The following TTC6 variants were observed in gnomAD, a reference collection of about 807,000 sequenced individuals.
The protein encoded by TTC6 is tetratricopeptide repeat protein 6.
A neutral mutation model predicts 210.4 loss-of-function variants in TTC6; 172 were observed. The observed-to-expected ratio is 0.82, with a 90% confidence interval of 0.72 to 0.93. The LOEUF (loss-of-function observed/expected upper bound fraction) is 0.93. TTC6 is among the 40% of genes least tolerant of loss of function. TTC6 has a pLI of 0.00. For missense variants in TTC6, 2,414 were observed against 2,318.1 expected (o/e 1.04, Z -0.85); for synonymous variants, 804 against 819.6 (o/e 0.98, Z 0.32).
intron 1 of TTC6, among the ~76,000 whole-genome samples, chr14:37,645,901 C>A (rs954841345): frequency 2.0e-5 from 3 of 152,118 alleles, no homozygotes; most frequent in African/African-American, 7.2e-5. Context: ...AAATAATTAT[C>A]GTTTACCTAT....
exon 11 of TTC6, chr14:37,749,133 C>G: frequency 6.5e-7 from 1 of 1,535,470 alleles, no homozygotes; most frequent in Non-Finnish European, 8.7e-7. Context: ...TACAAAGATG[C>G]GAGCATACCT....
intron 1 of TTC6, among the ~76,000 whole-genome samples, chr14:37,606,247 G>A (rs1012535312): frequency 1.3e-5 from 2 of 152,090 alleles, no homozygotes; most frequent in African/African-American, 4.8e-5. Context: ...CTTTTGGTAG[G>A]GGACTCTGGG....
chr14:37,800,958 G>T (rs1257426732), intron 20 of TTC6, among the ~76,000 whole-genome samples: 2 of 152,150 alleles, frequency 1.3e-5, no homozygotes, highest in Non-Finnish European at 2.9e-5. Flanking sequence ...AAAGGACCCA[G>T]AAGGCAAGAC....
intron 1 of TTC6, among the ~76,000 whole-genome samples, chr14:37,636,581 A>G (rs2095681186): frequency 1.3e-5 from 2 of 152,098 alleles, no homozygotes; most frequent in Admixed American, 6.6e-5. Context: ...TGTAAAAAAA[A>G]AGTCAAAATT....
At chr14:37,735,414 A>T (rs919393408) in intron 7 of TTC6, among the ~76,000 whole-genome samples, 3 of 152,148 alleles carry the variant, frequency 2.0e-5, no homozygotes, top group Non-Finnish European at 4.4e-5. Flanking sequence ...AACCTTAATC[A>T]TAGTGGCAGT....
chr14:37,744,764 G>A (rs1257716624), intron 10 of TTC6, among the ~76,000 whole-genome samples: 2 of 152,164 alleles, frequency 1.3e-5, no homozygotes, highest in South Asian at 2.1e-4. Context: ...TGGGAGTTGG[G>A]AGCAGTGAGT....
chr14:37,721,852 A>ATATATATATATATATATATATATG (rs1213838794), intron 6 of TTC6, among the ~76,000 whole-genome samples: 5 of 47,962 alleles, frequency 1.0e-4, no homozygotes, highest in Non-Finnish European at 2.1e-4. Flanking sequence ...TTCACCATAT[A>ATATATATATATATATATATATATG]TATATATATA....
intron 1 of TTC6, among the ~76,000 whole-genome samples, chr14:37,640,404 A>G (rs1191505877): frequency 6.6e-6 from 1 of 152,216 alleles, no homozygotes; most frequent in African/African-American, 2.4e-5. Context: ...ATGTTGTTCA[A>G]AATAATTGCT....
At chr14:37,777,530 G>A (rs2096041456) in intron 14 of TTC6, among the ~76,000 whole-genome samples, 3 of 151,988 alleles carry the variant, frequency 2.0e-5, no homozygotes, top group Admixed American at 2.0e-4. Context: ...AGAATCCTTG[G>A]TTTGGGTTTC....
intron 1 of TTC6, among the ~76,000 whole-genome samples, chr14:37,669,922 T>C (rs2095755111): frequency 1.3e-5 from 2 of 152,184 alleles, no homozygotes; most frequent in East Asian, 1.9e-4. Context: ...AATATTCTTA[T>C]GGATTCTTCT....
intron 21 of TTC6, among the ~76,000 whole-genome samples, chr14:37,805,825 C>T (rs370482382): frequency 1.3e-3 from 205 of 152,148 alleles, no homozygotes; most frequent in African/African-American, 4.3e-3. Context: ...CTCAGCCTCC[C>T]GAGTAGCTGG....
intron 6 of TTC6, among the ~76,000 whole-genome samples, chr14:37,717,946 T>A (rs1325652824): frequency 6.6e-6 from 1 of 152,192 alleles, no homozygotes; most frequent in African/African-American, 2.4e-5. Context: ...CAAGTTCAGC[T>A]CTCTTTTTCC....
At chr14:37,664,809 C>T (rs1299415334) in intron 1 of TTC6, among the ~76,000 whole-genome samples, 1 of 150,284 alleles carries the variant, frequency 6.7e-6, no homozygotes, top group African/African-American at 2.4e-5. Flanking sequence ...AAGAAAAAAA[C>T]AAACAACCCC....
At chr14:37,827,073 T>G (rs2096173497) in intron 28 of TTC6, 123 bp from the exon 31 acceptor site, 1 of 739,800 alleles carries the variant, frequency 1.4e-6, no homozygotes, top group East Asian at 3.1e-5. Context: ...TACTGGAGTT[T>G]TACATGCACT....
intron 1 of TTC6, among the ~76,000 whole-genome samples, chr14:37,652,071 G>A (rs1020461661): frequency 2.0e-5 from 3 of 152,182 alleles, no homozygotes; most frequent in African/African-American, 7.2e-5. Context: ...TAATCCAGAA[G>A]GAAATGAAAT....
chr14:37,798,832 T>A (rs888392034), intron 20 of TTC6, among the ~76,000 whole-genome samples: 16 of 152,196 alleles, frequency 1.1e-4, no homozygotes, highest in African/African-American at 3.9e-4. Context: ...TATGTTTTTA[T>A]CCTTTAATAT....
intron 29 of TTC6, among the ~76,000 whole-genome samples, chr14:37,833,033 G>A (rs1256977101): frequency 1.4e-5 from 2 of 140,704 alleles, no homozygotes; most frequent in South Asian, 2.4e-4. Flanking sequence ...ACTCTGGCCT[G>A]GTGATAGAGT....
chr14:37,654,567 T>A (rs2095718573), intron 1 of TTC6, among the ~76,000 whole-genome samples: 1 of 152,156 alleles, frequency 6.6e-6, no homozygotes, highest in Non-Finnish European at 1.5e-5. Context: ...CCAATTAAAC[T>A]TCTTTTCTTA....
downstream of TTC6, chr14:37,842,470 T>C: frequency 2.0e-6 from 1 of 492,608 alleles, no homozygotes; most frequent in Non-Finnish European, 3.1e-6. Flanking sequence ...AAAACATATA[T>C]CATTTGCTGC....
Sources: gnomAD v4.1 joint callset for allele counts (sites outside exome capture counted in the v4.1 genomes callset) on GRCh38, gnomAD v4.1.1 for gene constraint, MANE v1.5 for transcripts, NCBI Gene and HGNC (gene_info 2026-07-23, HGNC 2026-07-21) for gene names.